ADCK1: variants seen among roughly 807,000 people sequenced by gnomAD.
ADCK1 encodes the protein aarF domain-containing protein kinase 1.
A neutral mutation model predicts 52.3 loss-of-function variants in ADCK1; 41 were observed. The ratio of observed to expected loss-of-function variants is 0.78; its 90% CI spans 0.61 to 1.02. The LOEUF is 1.02. ADCK1 is among the 50% of genes least tolerant of loss of function. The probability of loss-of-function intolerance (pLI) is 0.00; values close to 1 mark genes in which losing one functional copy is unlikely to be tolerated. For missense variants in ADCK1, 658 were observed against 679.5 expected (o/e 0.97, Z 0.35); for synonymous variants, 250 against 274.6 (o/e 0.91, Z 0.89).
chr14:77,807,508 ATTTTT>A, intron 1 of ADCK1, among the ~76,000 whole-genome samples: 1 of 130,314 alleles, frequency 7.7e-6, no homozygotes, highest in East Asian at 2.3e-4. Flanking sequence ...CGCCCAGCTA[ATTTTT>A]TTTTTTTTTT....
At chr14:77,920,561 G>C (rs951722226) in intron 7 of ADCK1, among the ~76,000 whole-genome samples, 9 of 152,142 alleles carry the variant, frequency 5.9e-5, no homozygotes, top group South Asian at 4.1e-4. Flanking sequence ...TTTTTGCTTA[G>C]TCTTACTTTG....
At chr14:77,893,860 A>G (rs891208764) in intron 5 of ADCK1, among the ~76,000 whole-genome samples, 2 of 151,670 alleles carry the variant, frequency 1.3e-5, no homozygotes, top group African/African-American at 2.4e-5. Context: ...CAGCCTCCCA[A>G]GTAGCTGGGA....
intron 1 of ADCK1, among the ~76,000 whole-genome samples, chr14:77,804,360 A>T (rs2081173422): frequency 6.6e-6 from 1 of 152,188 alleles, no homozygotes; most frequent in Non-Finnish European, 1.5e-5. Context: ...CCTTATGGAA[A>T]ACTCTAGCTC....
chr14:77,917,053 C>A (rs906686974), intron 7 of ADCK1, among the ~76,000 whole-genome samples: 1 of 152,126 alleles, frequency 6.6e-6, no homozygotes, highest in African/African-American at 2.4e-5. Flanking sequence ...CATAGTGAGA[C>A]CCTGTCTCTA....
intron 3 of ADCK1, among the ~76,000 whole-genome samples, chr14:77,857,945 G>C (rs2082456266): frequency 6.6e-6 from 1 of 152,154 alleles, no homozygotes; most frequent in Non-Finnish European, 1.5e-5. Flanking sequence ...CTCCTAGAAG[G>C]TAGGACCTTC....
At chr14:77,920,456 C>T (rs1415360356) in intron 7 of ADCK1, among the ~76,000 whole-genome samples, 16 of 152,098 alleles carry the variant, frequency 1.1e-4, no homozygotes, top group African/African-American at 1.9e-4. Flanking sequence ...CATCGGTCTA[C>T]GTGCTTATTT....
At chr14:77,855,798 A>G (rs138845491) in intron 3 of ADCK1, among the ~76,000 whole-genome samples, 1 of 152,292 alleles carries the variant, frequency 6.6e-6, no homozygotes, top group African/African-American at 2.4e-5. Context: ...AATCTTGTCC[A>G]TTTAGAGCTG....
chr14:77,807,315 G>T (rs1442636943), intron 1 of ADCK1, among the ~76,000 whole-genome samples: 1 of 150,960 alleles, frequency 6.6e-6, no homozygotes, highest in East Asian at 2.0e-4. Context: ...TGATCCGCCC[G>T]CCTCGGCCTC....
chr14:77,903,165 A>G (rs1049072027), intron 6 of ADCK1, among the ~76,000 whole-genome samples: 5 of 152,236 alleles, frequency 3.3e-5, no homozygotes, highest in African/African-American at 1.2e-4. Flanking sequence ...GAATATACCA[A>G]TTTGACCTGC....
At chr14:77,847,237 G>T (rs1165615545) in intron 3 of ADCK1, among the ~76,000 whole-genome samples, 1 of 152,126 alleles carries the variant, frequency 6.6e-6, no homozygotes, top group Admixed American at 6.6e-5. Flanking sequence ...TGAAGCCGCA[G>T]GACAGCTGGG....
chr14:77,925,649 C>A, intron 8 of ADCK1, 115 bp from the exon 9 acceptor site: 1 of 998,174 alleles, frequency 1.0e-6, no homozygotes, highest in Non-Finnish European at 1.5e-6. Flanking sequence ...AAACAGATGT[C>A]GTGGGAAGGC....
chr14:77,930,298 C>G (rs531138790), intron 9 of ADCK1, among the ~76,000 whole-genome samples: 1 of 152,248 alleles, frequency 6.6e-6, no homozygotes, highest in South Asian at 2.1e-4. Context: ...GCAGCGCACA[C>G]GTGCTTCTGA....
Position 77,872,562 on chromosome 14 carries a change from C to A in ADCK1, c.423+13283C>A, listed in dbSNP as rs1364176366. Among the ~76,000 whole-genome samples the A allele has an allele frequency of 4.6e-5, 7 of 152,010 alleles. No homozygotes were observed. In the South Asian group the frequency reaches 8.3e-4, roughly 18 times the overall value. ...GGGAAAGGTGCTGCCTCTCTGTGCT[C>A]TCAGATGGGGGGCTGGCCTTGGGGG... is the stretch of plus-strand genomic sequence containing the variant. On this transcript the variant is annotated intron_variant, in intron 4 of 10. Coordinates refer to ENST00000238561, the MANE Select transcript of ADCK1 (RefSeq NM_020421.4).
chr14:77,883,728 C>T (rs1056345873), intron 4 of ADCK1, among the ~76,000 whole-genome samples: 1 of 152,040 alleles, frequency 6.6e-6, no homozygotes, highest in Non-Finnish European at 1.5e-5. Flanking sequence ...GTCTGTGTGA[C>T]AGGTTTCCGG....
chr14:77,852,903 A>T lies in ADCK1; in HGVS notation c.220-6173A>T, dbSNP rs868361507. On this transcript the variant is annotated intron_variant, in intron 3 of 10. Transcript: ENST00000238561. Reference sequence around the variant, plus strand: ...TGTGTGTATATATATATATATATATATATATTTTTTTTTTTTTTTTTTTTT... The same window carrying T: ...TGTGTGTATATATATATATATATATTTATATTTTTTTTTTTTTTTTTTTTT... Among the ~76,000 whole-genome samples, 128 of 29,438 alleles carry T rather than the reference A, an allele frequency of 4.3e-3. 2 individuals carry two copies. Among genetic ancestry groups the T allele is most frequent in the African/African-American group, 0.012 (63 of 5,278 alleles). The allele number at this position is 29,438 out of a possible 152,430, so 19.3% of individuals were successfully genotyped here.
At chr14:77,867,508 G>T (rs1314884937) in intron 4 of ADCK1, among the ~76,000 whole-genome samples, 1 of 152,186 alleles carries the variant, frequency 6.6e-6, no homozygotes, top group Non-Finnish European at 1.5e-5. Context: ...ATCAAAAGAA[G>T]ATTTTTATCA....
chr14:77,884,641 G>A (rs796437018), intron 4 of ADCK1, among the ~76,000 whole-genome samples: 4 of 152,306 alleles, frequency 2.6e-5, no homozygotes, highest in Non-Finnish European at 2.9e-5. Flanking sequence ...CTCAAACACC[G>A]TGGCCCGGGT....
chr14:77,884,630 G>A (rs147702544), intron 4 of ADCK1, among the ~76,000 whole-genome samples: 78 of 152,316 alleles, frequency 5.1e-4, no homozygotes, highest in African/African-American at 1.8e-3. Context: ...GGATCAAGAG[G>A]CTCAAACACC....
intron 4 of ADCK1, among the ~76,000 whole-genome samples, chr14:77,871,307 C>CA (rs1477115762): frequency 2.0e-5 from 3 of 152,024 alleles, no homozygotes; most frequent in African/African-American, 7.2e-5. Flanking sequence ...ACCTTTCACC[C>CA]ATCCCACCCA....
Sources: gnomAD v4.1 joint callset for allele counts (sites outside exome capture counted in the v4.1 genomes callset) on GRCh38, gnomAD v4.1.1 for gene constraint, MANE v1.5 for transcripts, NCBI Gene and HGNC (gene_info 2026-07-23, HGNC 2026-07-21) for gene names.